MACROD1: variants seen among roughly 807,000 people sequenced by gnomAD.
MACROD1 encodes the protein ADP-ribose glycohydrolase MACROD1.
Under a neutral mutation model 41.4 loss-of-function variants are expected in MACROD1, and 31 were observed. That is an observed-to-expected ratio of 0.75 (90% CI 0.56 to 1.01). The LOEUF is 1.01. Ranked by LOEUF, MACROD1 falls within the 50% of genes least tolerant of loss-of-function variation. The probability of loss-of-function intolerance (pLI) is 0.00; values close to 1 mark genes in which losing one functional copy is unlikely to be tolerated. For missense variants in MACROD1, 473 were observed against 460.0 expected, an observed-to-expected ratio of 1.03 and a Z score of -0.26; for synonymous variants, 252 against 203.4, an observed-to-expected ratio of 1.24 and a Z score of -2.03.
chr11:64,111,342 C>A (rs1944859050), intron 3 of MACROD1, among the ~76,000 whole-genome samples: 2 of 152,236 alleles, frequency 1.3e-5, no homozygotes, highest in African/African-American at 2.4e-5. Flanking sequence ...GGCCCCCTGG[C>A]AGAGGTGCTC....
At chr11:64,015,176 C>A (rs1425452422) in intron 4 of MACROD1, 76 bp downstream of exon 4, 3 of 1,427,620 alleles carry the variant, frequency 2.1e-6, no homozygotes, top group East Asian at 5.2e-5. Flanking sequence ...GCACCGAGGG[C>A]GAGGGGCAGG....
At chr11:64,124,161 G>T (rs141790588) in intron 3 of MACROD1, among the ~76,000 whole-genome samples, 1 of 152,202 alleles carries the variant, frequency 6.6e-6, no homozygotes, top group Non-Finnish European at 1.5e-5. Context: ...TGTCCAAGAG[G>T]CACCAAGAAA....
At chr11:64,149,699 C>T (rs1360904531) in intron 3 of MACROD1, among the ~76,000 whole-genome samples, 1 of 152,264 alleles carries the variant, frequency 6.6e-6, no homozygotes, top group Non-Finnish European at 1.5e-5. Flanking sequence ...CGCTGCAGTA[C>T]CTCTCACACG....
chr11:64,127,339 G>C (rs1945199390), intron 3 of MACROD1, among the ~76,000 whole-genome samples: 1 of 152,188 alleles, frequency 6.6e-6, no homozygotes, highest in South Asian at 2.1e-4. Flanking sequence ...TCGGGCCAGG[G>C]GCCAGGTGTC....
chr11:64,058,465 G>A (rs1024196435), intron 3 of MACROD1, among the ~76,000 whole-genome samples: 7 of 152,260 alleles, frequency 4.6e-5, no homozygotes, highest in African/African-American at 1.7e-4. Context: ...TGCCACCTGG[G>A]TGGGCGAAGA....
intron 3 of MACROD1, among the ~76,000 whole-genome samples, chr11:64,055,509 G>A (rs1398810963): frequency 6.6e-6 from 1 of 152,198 alleles, no homozygotes. Flanking sequence ...TGCCCCATTA[G>A]GGGGCTAAAG....
chr11:64,152,363 C>T lies in MACROD1; in HGVS notation c.329G>A (p.Arg110Gln), dbSNP rs151310156. ...GTCCTTGCAGAAGTAATGTTCCTCC[C>T]GCTGCTTGTCACTCAGGCCCTTCAG... Reference protein sequence around the residue: ...SFLKGLSDKQREEHYFCKDFV... With the variant: ...SFLKGLSDKQQEEHYFCKDFV... Residue 110 changes from arginine to glutamine, a missense_variant, in exon 2 of 11, where the codon CGG becomes CAG. Arg to Gln is a conservative substitution (Grantham distance 43, BLOSUM62 1). Transcript: ENST00000255681. 2.7e-4 allele frequency: 430 copies of T among 1,614,134 alleles called. No homozygotes were observed. Among genetic ancestry groups the T allele is most frequent in the Non-Finnish European group, 3.2e-4 (381 of 1,180,054 alleles).
At chr11:64,029,633 C>A (rs1334968241) in intron 3 of MACROD1, among the ~76,000 whole-genome samples, 2 of 152,184 alleles carry the variant, frequency 1.3e-5, no homozygotes, top group South Asian at 2.1e-4. Context: ...TCCCAGCCCA[C>A]CCTGCGCAGC....
chr11:64,152,560 A>G (rs1213179226), intron 1 of MACROD1, among the ~76,000 whole-genome samples, 167 bp from the exon 2 acceptor site: 2 of 152,214 alleles, frequency 1.3e-5, no homozygotes, highest in East Asian at 3.8e-4. Context: ...AGAGGCCCCT[A>G]GAATATCTTG....
chr11:64,020,968 C>T (rs1035987070), intron 3 of MACROD1, among the ~76,000 whole-genome samples: 58 of 152,080 alleles, frequency 3.8e-4, no homozygotes, highest in African/African-American at 1.3e-3. Flanking sequence ...CCACCCACCT[C>T]GGTCTCCCAA....
At chr11:64,143,796 ACACAC>A (rs1565257716) in intron 3 of MACROD1, among the ~76,000 whole-genome samples, 15 of 146,414 alleles carry the variant, frequency 1.0e-4, no homozygotes, top group Non-Finnish European at 2.0e-4. Context: ...ACACACACAC[ACACAC>A]AATTTCCTGG....
chr11:64,127,353 G>C (rs1306530165), intron 3 of MACROD1, among the ~76,000 whole-genome samples: 1 of 152,218 alleles, frequency 6.6e-6, no homozygotes, highest in East Asian at 1.9e-4. Flanking sequence ...AGGTGTCCGG[G>C]GCACACGTGG....
chr11:64,139,587 C>A (rs1293133937), intron 3 of MACROD1, among the ~76,000 whole-genome samples: 1 of 152,174 alleles, frequency 6.6e-6, no homozygotes. Context: ...CGTTTATGAG[C>A]CCCTCCAGTG....
intron 3 of MACROD1, among the ~76,000 whole-genome samples, chr11:64,017,334 T>C (rs1490147640): frequency 2.0e-5 from 3 of 152,024 alleles, no homozygotes; most frequent in Non-Finnish European, 4.4e-5. Flanking sequence ...TGGGCACAGA[T>C]GGGCCCATTT....
rs773456345 is a variant in MACROD1, at chr11:63,999,592, C to T, written c.787-32G>A. The T allele has an allele frequency of 3.7e-6, 6 of 1,610,076 alleles. No individual in the cohort carries two copies. In the Admixed American group the frequency reaches 8.4e-5, roughly 22 times the overall value. On this transcript the variant is annotated intron_variant, in intron 6 of 10. Coordinates refer to ENST00000255681, the MANE Select transcript of MACROD1 (RefSeq NM_014067.4). ...GGGGAGGGGTGAGAGGGGGTTGGAA[C>T]ATTGTCACTGCGCCCCGCCTCCCGC...
chr11:64,034,308 G>GAA (rs1943332999), intron 3 of MACROD1, among the ~76,000 whole-genome samples: 3 of 152,266 alleles, frequency 2.0e-5, no homozygotes, highest in Admixed American at 2.0e-4. Context: ...AGGGAGCAGA[G>GAA]GAACGGAAGC....
intron 3 of MACROD1, among the ~76,000 whole-genome samples, chr11:64,075,688 T>C (rs142504686): frequency 6.6e-6 from 1 of 152,342 alleles, no homozygotes; most frequent in African/African-American, 2.4e-5. Context: ...CTTCTTTTTT[T>C]TGAGATGGAG....
At chr11:64,089,975 G>A (rs547694937) in intron 3 of MACROD1, among the ~76,000 whole-genome samples, 24 of 152,274 alleles carry the variant, frequency 1.6e-4, no homozygotes, top group Admixed American at 9.8e-4. Flanking sequence ...ATAAGATGGC[G>A]TCTTCATTGT....
rs1565188650 is a variant in MACROD1 at position 63,999,550 on chromosome 11, CAG to C, written c.795_796del (p.Cys266HisfsTer11). On this transcript the variant is annotated frameshift_variant, in exon 7 of 11. Coordinates refer to ENST00000255681, the MANE Select transcript of MACROD1 (RefSeq NM_014067.4). LOFTEE classifies it high-confidence loss of function. ...CTCACCAAACACGCCGGTGGAGATG[CAG>C]GGGAACGCCTGGGCGGGGAGGGGTG... The C allele has an allele frequency of 6.2e-6, 10 of 1,609,906 alleles. No homozygotes were observed. Among genetic ancestry groups the C allele is most frequent in the Non-Finnish European group, 7.6e-6 (9 of 1,178,680 alleles).
Sources: gnomAD v4.1 joint callset for allele counts (sites outside exome capture counted in the v4.1 genomes callset) on GRCh38, gnomAD v4.1.1 for gene constraint, MANE v1.5 for transcripts, NCBI Gene and HGNC (gene_info 2026-07-23, HGNC 2026-07-21) for gene names.